Variants in CADM2 observed in about 807,000 individuals in gnomAD.
The protein encoded by CADM2 is immunoglobulin superfamily member 4D.
A neutral mutation model predicts 49.8 loss-of-function variants in CADM2; 12 were observed. That is an observed-to-expected ratio of 0.24 (90% CI 0.15 to 0.39). The LOEUF (loss-of-function observed/expected upper bound fraction) is 0.39, where lower values mean the gene tolerates loss of function less well. Among genes scored for constraint, CADM2 ranks in the 10% least tolerant of loss-of-function variants. The probability of loss-of-function intolerance (pLI) is 1.00; values close to 1 mark genes in which losing one functional copy is unlikely to be tolerated. For synonymous variants in CADM2, 214 were observed against 175.4 expected (o/e 1.22, Z -1.74); for missense variants, 378 against 492.3 (o/e 0.77, Z 2.20).
intron 8 of CADM2, among the ~76,000 whole-genome samples, chr3:85,965,496 T>G (rs1450460849): frequency 6.6e-6 from 1 of 151,430 alleles, no homozygotes; most frequent in Non-Finnish European, 1.5e-5. Context: ...AACTTGCCCA[T>G]GAGTTGCATA....
chr3:85,503,239 A>C (rs1407978776), intron 1 of CADM2, among the ~76,000 whole-genome samples: 3 of 152,174 alleles, frequency 2.0e-5, no homozygotes, highest in Non-Finnish European at 4.4e-5. Flanking sequence ...AAATATTTTG[A>C]TTTCTGAATT....
chr3:85,619,972 C>T (rs1284644913), intron 1 of CADM2, among the ~76,000 whole-genome samples: 1 of 152,156 alleles, frequency 6.6e-6, no homozygotes, highest in African/African-American at 2.4e-5. Flanking sequence ...TACAATTATA[C>T]AAACCAAAGT....
chr3:85,879,904 T>C (rs1712486072), intron 3 of CADM2, among the ~76,000 whole-genome samples: 1 of 152,180 alleles, frequency 6.6e-6, no homozygotes, highest in African/African-American at 2.4e-5. Flanking sequence ...TTGTTACATG[T>C]GTGGGTTCAT....
chr3:85,162,454 T>C (rs923857943), intron 1 of CADM2, among the ~76,000 whole-genome samples: 5 of 152,040 alleles, frequency 3.3e-5, no homozygotes, highest in African/African-American at 1.2e-4. Context: ...CTAATTATTC[T>C]CCCTGATTTA....
chr3:85,243,926 T>C (rs1325157318), intron 1 of CADM2, among the ~76,000 whole-genome samples: 9 of 152,086 alleles, frequency 5.9e-5, no homozygotes, highest in Admixed American at 5.9e-4. Flanking sequence ...CAAATATTTA[T>C]ATAAAATCAT....
At chr3:85,106,784 G>C (rs1471540336) in intron 1 of CADM2, among the ~76,000 whole-genome samples, 2 of 152,040 alleles carry the variant, frequency 1.3e-5, no homozygotes, top group African/African-American at 4.8e-5. Context: ...GGTAGAGGGA[G>C]GCAAAAATGT....
intron 1 of CADM2, among the ~76,000 whole-genome samples, chr3:85,536,594 G>T (rs1198806243): frequency 2.6e-5 from 4 of 151,868 alleles, no homozygotes; most frequent in African/African-American, 9.7e-5. Flanking sequence ...GTTCTGACTT[G>T]CATTTTCTTT....
At chr3:85,499,079 C>T (rs2040015341) in intron 1 of CADM2, among the ~76,000 whole-genome samples, 2 of 152,106 alleles carry the variant, frequency 1.3e-5, no homozygotes, top group African/African-American at 4.8e-5. Flanking sequence ...GTATATTGAA[C>T]AGAAATTCTA....
At chr3:85,169,863 G>A (rs2040572653) in intron 1 of CADM2, among the ~76,000 whole-genome samples, 1 of 152,114 alleles carries the variant, frequency 6.6e-6, no homozygotes, top group Non-Finnish European at 1.5e-5. Flanking sequence ...AGTATACTGA[G>A]AAAACAGCTC....
intron 8 of CADM2, among the ~76,000 whole-genome samples, chr3:86,052,198 G>A (rs1013255400): frequency 1.3e-5 from 2 of 152,020 alleles, no homozygotes; most frequent in African/African-American, 4.8e-5. Flanking sequence ...ATTTATTTTA[G>A]GTTATGTATT....
intron 8 of CADM2, among the ~76,000 whole-genome samples, chr3:85,996,033 T>C (rs2108723207): frequency 6.6e-6 from 1 of 150,806 alleles, no homozygotes; most frequent in African/African-American, 2.4e-5. Flanking sequence ...GAGCTTTCAG[T>C]GAGCCCAGAT....
rs113324450 is a variant in CADM2 at position 85,850,570 on chromosome 3, C to T, written c.239-32721C>T. 1.7e-3 allele frequency among the ~76,000 whole-genome samples: 253 copies of T among 152,000 alleles called. 2 individuals carry two copies. Among genetic ancestry groups the T allele is most frequent in the African/African-American group, 5.3e-3 (222 of 41,502 alleles). ...GTCTGGATTTCCTGACCTCCTGATC[C>T]GCCCGCCTCGGCCTCCCAAAGTGCT... is the stretch of plus-strand genomic sequence containing the variant. On this transcript the variant is annotated intron_variant, in intron 3 of 9. Transcript: ENST00000383699.
chr3:85,094,872 A>G (rs1313576609), intron 1 of CADM2, among the ~76,000 whole-genome samples: 13 of 152,000 alleles, frequency 8.6e-5, no homozygotes, highest in Non-Finnish European at 1.9e-4. Flanking sequence ...TTTTTTTTAA[A>G]TAAGAAGCCA....
chr3:85,285,856 C>T (rs958790196), intron 1 of CADM2, among the ~76,000 whole-genome samples: 4 of 151,808 alleles, frequency 2.6e-5, no homozygotes, highest in Admixed American at 2.0e-4. Flanking sequence ...GTGGAGAACT[C>T]TATGTAGTGA....
intron 1 of CADM2, among the ~76,000 whole-genome samples, chr3:85,667,860 A>G (rs889606638): frequency 6.6e-6 from 1 of 152,034 alleles, no homozygotes; most frequent in Non-Finnish European, 1.5e-5. Context: ...TATCTTTCTC[A>G]TAGGATAGTT....
chr3:85,244,971 G>C (rs2042613891), intron 1 of CADM2, among the ~76,000 whole-genome samples: 2 of 152,038 alleles, frequency 1.3e-5, no homozygotes, highest in African/African-American at 4.8e-5. Context: ...TTTTACAAAA[G>C]ACTAAAATGA....
intron 1 of CADM2, among the ~76,000 whole-genome samples, chr3:85,341,188 T>G (rs1257048694): frequency 6.6e-6 from 1 of 151,858 alleles, no homozygotes; most frequent in East Asian, 1.9e-4. Context: ...CATATTTGTT[T>G]AATCTGATAA....
chr3:85,806,040 A>T (rs186056441), intron 3 of CADM2, among the ~76,000 whole-genome samples: 10 of 152,252 alleles, frequency 6.6e-5, no homozygotes, highest in African/African-American at 2.4e-4. Context: ...ATCTCAAATG[A>T]TTAGAAAATG....
rs1041895741 is a variant in CADM2 at position 85,944,886 on chromosome 3, A to T, written c.791+9029A>T. On this transcript the variant is annotated intron_variant, in intron 7 of 9. Transcript: ENST00000383699. Reference sequence around the variant, plus strand: ...AAAAGAACTAGAGAAGCAAGAGCAAACACATTCAAAAGCTAGCAGAAGGCA... The same window carrying T: ...AAAAGAACTAGAGAAGCAAGAGCAATCACATTCAAAAGCTAGCAGAAGGCA... 1.1e-4 allele frequency among the ~76,000 whole-genome samples: 16 copies of T among 152,244 alleles called. No individual in the cohort carries two copies. The East Asian group carries it at 2.7e-3, about 26-fold the overall frequency.
Sources: gnomAD v4.1 joint callset for allele counts (sites outside exome capture counted in the v4.1 genomes callset) on GRCh38, gnomAD v4.1.1 for gene constraint, MANE v1.5 for transcripts, NCBI Gene and HGNC (gene_info 2026-07-23, HGNC 2026-07-21) for gene names.